Variants in MTUS2 observed in about 807,000 individuals in gnomAD.
MTUS2 encodes the protein microtubule associated scaffold protein 2, also known as microtubule-associated tumor suppressor candidate 2.
In MTUS2, 40 loss-of-function variants were observed where a neutral mutation model predicts 114.1. That is an observed-to-expected ratio of 0.35 (90% CI 0.27 to 0.46). MTUS2 has a LOEUF of 0.46. Among genes scored for constraint, MTUS2 ranks in the 20% least tolerant of loss-of-function variants. The pLI is 1.00. For missense variants in MTUS2, 1,679 were observed against 1,705.4 expected (o/e 0.98, Z 0.27); for synonymous variants, 688 against 672.0 (o/e 1.02, Z -0.37).
chr13:29,162,320 A>AT (rs1218124484), intron 5 of MTUS2, among the ~76,000 whole-genome samples: 1 of 152,106 alleles, frequency 6.6e-6, no homozygotes, highest in African/African-American at 2.4e-5. Flanking sequence ...TACTCTATTA[A>AT]TTATATAAGT....
chr13:29,431,123 T>G (rs9551679), intron 8 of MTUS2, among the ~76,000 whole-genome samples: 29,054 of 152,182 alleles, frequency 0.19, 3,237 homozygotes, highest in East Asian at 0.48. Flanking sequence ...AAGATACTTT[T>G]AAAGTAATCA....
At chr13:29,212,003 CTCT>C (rs1226316607) in intron 5 of MTUS2, among the ~76,000 whole-genome samples, 3 of 152,124 alleles carry the variant, frequency 2.0e-5, no homozygotes, top group South Asian at 2.1e-4. Context: ...ATTCTTTTGA[CTCT>C]TCTTCTGCTT....
chr13:29,169,652 TAG>T (rs1043218826), intron 5 of MTUS2, among the ~76,000 whole-genome samples: 8 of 152,334 alleles, frequency 5.3e-5, no homozygotes, highest in African/African-American at 1.9e-4. Flanking sequence ...ATTCTCAGTT[TAG>T]AGATAGTCCT....
intron 5 of MTUS2, among the ~76,000 whole-genome samples, chr13:29,105,885 T>C (rs942720365): frequency 3.9e-5 from 6 of 152,150 alleles, no homozygotes; most frequent in South Asian, 2.1e-4. Flanking sequence ...AGATGAACTC[T>C]AGGAGATCTT....
intron 5 of MTUS2, among the ~76,000 whole-genome samples, chr13:29,101,577 A>G (rs991677507): frequency 1.3e-5 from 2 of 152,176 alleles, no homozygotes; most frequent in African/African-American, 4.8e-5. Context: ...AGCATGTTAC[A>G]ACAGCTGCTG....
intron 5 of MTUS2, among the ~76,000 whole-genome samples, chr13:29,155,303 ATCAGAATT>A (rs1358492376): frequency 6.6e-6 from 1 of 152,212 alleles, no homozygotes; most frequent in Non-Finnish European, 1.5e-5. Flanking sequence ...ATTTCAGAGG[ATCAGAATT>A]TCATTTAAAG....
chr13:29,462,667 T>C (rs960044883), intron 9 of MTUS2, among the ~76,000 whole-genome samples: 1 of 151,954 alleles, frequency 6.6e-6, no homozygotes, highest in Non-Finnish European at 1.5e-5. Context: ...AGGAAGACTA[T>C]AAAGAGGGAG....
intron 2 of MTUS2, among the ~76,000 whole-genome samples, chr13:28,988,574 CAATG>C (rs1884688961): frequency 6.6e-6 from 1 of 152,046 alleles, no homozygotes; most frequent in African/African-American, 2.4e-5. Context: ...TCAGGAAAAA[CAATG>C]AAATCTAAAT....
chr13:29,388,139 G>A (rs1872755903), intron 8 of MTUS2, among the ~76,000 whole-genome samples: 1 of 152,034 alleles, frequency 6.6e-6, no homozygotes, highest in South Asian at 2.1e-4. Context: ...CAGGTGTTTG[G>A]GCAGATGACC....
rs869127520 is a variant in MTUS2, at chr13:28,923,151, CTGT to C, written c.-243+83305_-243+83307del. ...GATCCCCGAATTAAAACAAATTCTG[CTGT>C]TGTGTTTTTCCTTTTTATTTGTTTT... On this transcript the variant is annotated intron_variant, in intron 2 of 15. Coordinates refer to ENST00000612955, the MANE Select transcript of MTUS2 (RefSeq NM_001033602.4). Among the ~76,000 whole-genome samples, 25 of 152,236 alleles carry C rather than the reference CTGT, an allele frequency of 1.6e-4. No individual in the cohort carries two copies. In the East Asian group the frequency reaches 4.6e-3, roughly 28 times the overall value.
chr13:29,450,526 A>G (rs1878610114), intron 9 of MTUS2, among the ~76,000 whole-genome samples: 1 of 152,232 alleles, frequency 6.6e-6, no homozygotes, highest in African/African-American at 2.4e-5. Flanking sequence ...CTCAAAATTA[A>G]GAAACCAAGA....
chr13:29,435,237 G>A (rs915868804), intron 8 of MTUS2, among the ~76,000 whole-genome samples: 2 of 152,198 alleles, frequency 1.3e-5, no homozygotes, highest in Admixed American at 6.5e-5. Context: ...GAGTGGCCTC[G>A]TTAGGCTTTG....
chr13:29,285,201 A>AG (rs1898429796), intron 6 of MTUS2, among the ~76,000 whole-genome samples: 1 of 146,500 alleles, frequency 6.8e-6, no homozygotes, highest in South Asian at 2.1e-4. Flanking sequence ...AACCAAAAAA[A>AG]AAAAAAAACC....
intron 5 of MTUS2, among the ~76,000 whole-genome samples, chr13:29,115,030 C>A (rs1184756028): frequency 1.3e-5 from 2 of 152,234 alleles, no homozygotes; most frequent in East Asian, 3.9e-4. Flanking sequence ...TGAGCCAGAG[C>A]CACCTGAATA....
chr13:29,346,467 G>T (rs1358682921), intron 7 of MTUS2, among the ~76,000 whole-genome samples: 2 of 151,934 alleles, frequency 1.3e-5, no homozygotes, highest in African/African-American at 4.8e-5. Context: ...GGTCACGCAG[G>T]TTGCCAGGGG....
chr13:28,997,880 GC>G (rs1408921185), intron 2 of MTUS2, among the ~76,000 whole-genome samples: 3 of 151,046 alleles, frequency 2.0e-5, no homozygotes, highest in Non-Finnish European at 3.0e-5. Context: ...GGAGCATTTT[GC>G]CCATTTACAT....
chr13:29,120,942 T>C (rs1331369641), intron 5 of MTUS2, among the ~76,000 whole-genome samples: 1 of 152,246 alleles, frequency 6.6e-6, no homozygotes, highest in Admixed American at 6.5e-5. Context: ...AAGCCACTTT[T>C]ATAAGTCATG....
At chr13:29,232,754 G>C (rs1435980409) in intron 5 of MTUS2, among the ~76,000 whole-genome samples, 1 of 152,154 alleles carries the variant, frequency 6.6e-6, no homozygotes, top group Admixed American at 6.5e-5. Context: ...CTATGATTCA[G>C]AATTAATTAC....
At chr13:29,479,741 TC>T (rs1315937639) in intron 9 of MTUS2, among the ~76,000 whole-genome samples, 7 of 152,176 alleles carry the variant, frequency 4.6e-5, no homozygotes, top group Non-Finnish European at 2.9e-5. Context: ...GATCCTGAAT[TC>T]CTGCCTCATG....
Sources: allele counts gnomAD v4.1 joint callset (sites outside exome capture counted in the v4.1 genomes callset), GRCh38; gene constraint gnomAD v4.1.1; transcripts MANE v1.5; gene names NCBI Gene and HGNC (gene_info 2026-07-23, HGNC 2026-07-21).